HCN1: variants seen among roughly 807,000 people sequenced by gnomAD.
The protein encoded by HCN1 is potassium/sodium hyperpolarization-activated cyclic nucleotide-gated channel 1.
In HCN1, 13 loss-of-function variants were observed where a neutral mutation model predicts 78.9. That is an observed-to-expected ratio of 0.16 (90% confidence interval 0.11 to 0.26). The LOEUF is 0.26. Ranked by LOEUF, HCN1 falls within the 10% of genes least tolerant of loss-of-function variation. HCN1 has a pLI of 1.00. For missense variants in HCN1, 810 were observed against 1,154.3 expected (o/e 0.70, Z 4.32); for synonymous variants, 552 against 455.5 (o/e 1.21, Z -2.70).
chr5:45,525,064 T>C (rs1287783008), intron 2 of HCN1, among the ~76,000 whole-genome samples: 1 of 152,158 alleles, frequency 6.6e-6, no homozygotes, highest in Non-Finnish European at 1.5e-5. Flanking sequence ...GTTTTTAGCA[T>C]GAAGGGCTGT....
At chr5:45,297,339 C>T (rs895829802) in intron 6 of HCN1, among the ~76,000 whole-genome samples, 6 of 152,032 alleles carry the variant, frequency 3.9e-5, no homozygotes, top group Non-Finnish European at 8.8e-5. Flanking sequence ...TCCCATAAAC[C>T]CACACACTTC....
intron 2 of HCN1, among the ~76,000 whole-genome samples, chr5:45,596,359 T>C (rs890255084): frequency 1.3e-5 from 2 of 152,174 alleles, no homozygotes; most frequent in African/African-American, 4.8e-5. Context: ...ATTAAAAAAA[T>C]AGTTATTCTA....
At chr5:45,654,968 T>C (rs1405918) in intron 1 of HCN1, among the ~76,000 whole-genome samples, 76,328 of 151,956 alleles carry the variant, frequency 0.5, 20,355 homozygotes, top group African/African-American at 0.68. Context: ...CCCTGTGTTT[T>C]TTGTTACTCT....
At chr5:45,270,551 T>C (rs111790390) in intron 6 of HCN1, among the ~76,000 whole-genome samples, 1,526 of 152,258 alleles carry the variant, frequency 0.01, 21 homozygotes, top group African/African-American at 0.034. Context: ...ACATGTCCCT[T>C]TGTCTCGTCT....
Position 45,538,858 on chromosome 5 carries a change from T to C in HCN1, c.850-76851A>G, listed in dbSNP as rs115770531. The stretch of plus-strand genomic sequence containing the variant: ...TCAAAAACAATTTTAAAGTATTCCC[T>C]GGTCCTGGAGTGATTTGCTCCAATT... On this transcript the variant is annotated intron_variant, in intron 2 of 7. Transcript: ENST00000303230. 5.7e-3 allele frequency among the ~76,000 whole-genome samples: 875 copies of C among 152,294 alleles called. 14 individuals carry two copies. The highest frequency in any genetic ancestry group is 0.02 in the African/African-American group (841 of 41,558).
Position 45,317,435 on chromosome 5 carries a change from A to T in HCN1, c.1378-13596T>A, listed in dbSNP as rs370339556. Among the ~76,000 whole-genome samples the T allele has an allele frequency of 5.3e-5, 8 of 152,352 alleles. No homozygotes were observed. The East Asian group carries it at 9.7e-4, about 18-fold the overall frequency. On this transcript the variant is annotated intron_variant, in intron 5 of 7. Coordinates refer to ENST00000303230, the MANE Select transcript of HCN1 (RefSeq NM_021072.4). ...ATTATAAGATAGACTAAAGACTTAA[A>T]TGTTAGACCTAAAACCATAAAAACC...
intron 2 of HCN1, among the ~76,000 whole-genome samples, chr5:45,571,006 G>T (rs1743815770): frequency 6.6e-6 from 1 of 152,076 alleles, no homozygotes; most frequent in African/African-American, 2.4e-5. Context: ...TACCTGATAT[G>T]ATTGTACTGT....
At chr5:45,501,928 G>T (rs888854298) in intron 2 of HCN1, among the ~76,000 whole-genome samples, 1 of 151,966 alleles carries the variant, frequency 6.6e-6, no homozygotes. Context: ...TGGCCAGGTG[G>T]GGTGCATGTA....
rs370907774 is a variant in HCN1 at position 45,512,218 on chromosome 5, AC to A, written c.850-50212del. Among the ~76,000 whole-genome samples, 266 of 152,192 alleles carry A rather than the reference AC, an allele frequency of 1.7e-3. 1 individual carries two copies. The highest frequency in any genetic ancestry group is 6.2e-3 in the African/African-American group (257 of 41,574). On this transcript the variant is annotated intron_variant, in intron 2 of 7. Coordinates refer to ENST00000303230, the MANE Select transcript of HCN1 (RefSeq NM_021072.4). ...ACATTTAATTCATTTTACATATTCC[AC>A]TAGTCAAAATAATTTTTTCCAAAAT...
intron 2 of HCN1, among the ~76,000 whole-genome samples, chr5:45,634,578 A>C (rs1745326021): frequency 6.6e-6 from 1 of 151,858 alleles, no homozygotes; most frequent in South Asian, 2.1e-4. Flanking sequence ...AAAATATTAC[A>C]AATCTAGAAG....
intron 2 of HCN1, among the ~76,000 whole-genome samples, chr5:45,464,854 C>T (rs1034342794): frequency 4.6e-5 from 7 of 152,074 alleles, no homozygotes; most frequent in African/African-American, 1.2e-4. Flanking sequence ...TACTTCCTTA[C>T]GGAGCTCACA....
At chr5:45,340,709 T>C (rs1203993013) in intron 5 of HCN1, among the ~76,000 whole-genome samples, 1 of 152,178 alleles carries the variant, frequency 6.6e-6, no homozygotes, top group Non-Finnish European at 1.5e-5. Flanking sequence ...GTGCATATTA[T>C]GAAAAAGCTA....
At chr5:45,481,901 T>C (rs1741659928) in intron 2 of HCN1, among the ~76,000 whole-genome samples, 1 of 152,084 alleles carries the variant, frequency 6.6e-6, no homozygotes, top group Non-Finnish European at 1.5e-5. Context: ...ATTTATAAAA[T>C]GGGGATGACA....
chr5:45,626,030 T>C (rs1011743459), intron 2 of HCN1, among the ~76,000 whole-genome samples: 1 of 152,330 alleles, frequency 6.6e-6, no homozygotes, highest in East Asian at 1.9e-4. Flanking sequence ...TTTACAGAGA[T>C]ACTAGCTCCT....
chr5:45,420,546 C>A lies in HCN1; in HGVS notation c.1012-23836G>T, dbSNP rs149491884. Among the ~76,000 whole-genome samples the A allele has an allele frequency of 2.0e-5, 3 of 152,194 alleles. No homozygotes were observed. In the East Asian group the frequency reaches 5.8e-4, roughly 29 times the overall value. On this transcript the variant is annotated intron_variant, in intron 3 of 7. Transcript: ENST00000303230. ...GTGGGGAGGTCTTCCGGAGAGTGAT[C>A]GTGGCAGGCTGGTGCGACAACATGT...
At chr5:45,485,460 T>C (rs1435540571) in intron 2 of HCN1, among the ~76,000 whole-genome samples, 1 of 152,198 alleles carries the variant, frequency 6.6e-6, no homozygotes, top group Non-Finnish European at 1.5e-5. Flanking sequence ...AATTTTCCTC[T>C]TATTAAAAAT....
intron 3 of HCN1, among the ~76,000 whole-genome samples, chr5:45,443,320 G>C (rs903194379): frequency 6.6e-6 from 1 of 151,770 alleles, no homozygotes; most frequent in Non-Finnish European, 1.5e-5. Context: ...CTTGCTATTT[G>C]AACTTTTGTA....
At chr5:45,340,484 C>T (rs954246005) in intron 5 of HCN1, among the ~76,000 whole-genome samples, 1 of 152,064 alleles carries the variant, frequency 6.6e-6, no homozygotes, top group African/African-American at 2.4e-5. Context: ...GATATTTATT[C>T]CTGATACTGT....
chr5:45,343,004 T>C (rs1349658642), intron 5 of HCN1, among the ~76,000 whole-genome samples: 1 of 152,222 alleles, frequency 6.6e-6, no homozygotes, highest in African/African-American at 2.4e-5. Flanking sequence ...AGATCCAGTC[T>C]CATAGCTGAT....
Sources: gnomAD v4.1 joint callset for allele counts (sites outside exome capture counted in the v4.1 genomes callset) on GRCh38, gnomAD v4.1.1 for gene constraint, MANE v1.5 for transcripts, NCBI Gene and HGNC (gene_info 2026-07-23, HGNC 2026-07-21) for gene names.